CCDC80: variants seen among roughly 807,000 people sequenced by gnomAD.
CCDC80 encodes coiled-coil domain containing 80.
Under a neutral mutation model 78.7 loss-of-function variants are expected in CCDC80, and 49 were observed. The ratio of observed to expected loss-of-function variants is 0.62; its 90% CI spans 0.50 to 0.79. CCDC80 has a LOEUF of 0.79. CCDC80 is among the 30% of genes least tolerant of loss of function. The probability of loss-of-function intolerance (pLI) is 0.00; values close to 1 mark genes in which losing one functional copy is unlikely to be tolerated. For missense variants in CCDC80, 1,205 were observed against 1,198.6 expected, an observed-to-expected ratio of 1.01 and a Z score of -0.08; for synonymous variants, 488 against 447.0, an observed-to-expected ratio of 1.09 and a Z score of -1.16.
chr3:112,621,872 G>T (rs1935874873), intron 3 of CCDC80, among the ~76,000 whole-genome samples: 1 of 152,156 alleles, frequency 6.6e-6, no homozygotes, highest in Non-Finnish European at 1.5e-5. Flanking sequence ...GGACAGTTTG[G>T]AAGGTCCAAC....
intron 3 of CCDC80, 141 bp from the exon 4 acceptor site, chr3:112,619,245 G>C: frequency 1.5e-6 from 1 of 663,888 alleles, no homozygotes; most frequent in Non-Finnish European, 2.3e-6. Context: ...TTGAACAAAA[G>C]TTTTCGGAGT....
rs1338140764 is a variant in CCDC80, at chr3:112,630,162, G to A, written c.1986C>T (p.Ile662=). The A allele has an allele frequency of 6.2e-7, 1 of 1,613,976 alleles. No homozygotes were observed. ...MATRKISVIT[I]FGPVNNSTMK... The stretch of plus-strand genomic sequence containing the variant: ...TGGTGCTGTTGTTGACAGGGCCGAA[G>A]ATGGTGATCACAGAGATTTTCCTGG... The change falls in exon 3 of 8, where the codon ATC becomes ATT. Residue 662 remains isoleucine, a synonymous_variant. Transcript: ENST00000206423.
At chr3:112,611,988 C>A (rs184350772) in intron 5 of CCDC80, among the ~76,000 whole-genome samples, 1 of 151,376 alleles carries the variant, frequency 6.6e-6, no homozygotes, top group East Asian at 1.9e-4. Context: ...TGGATGCCTG[C>A]CGCAAGGCTC....
chr3:112,637,984 C>A, intron 2 of CCDC80, 44 bp downstream of exon 2: 2 of 1,551,192 alleles, frequency 1.3e-6, no homozygotes, highest in Non-Finnish European at 1.7e-6. Context: ...GTTAACATGC[C>A]CTGCCTCAGC....
Position 112,612,855 on chromosome 3 carries a change from C to T in CCDC80, c.2322-2774G>A, listed in dbSNP as rs115205025. The stretch of plus-strand genomic sequence containing the variant: ...TCCCATTTGGATACTGGTTTAATTA[C>T]AGGACTGTAATTTTTTTTTTTTTTT... On this transcript the variant is annotated intron_variant, in intron 5 of 7. Coordinates refer to ENST00000206423, the MANE Select transcript of CCDC80 (RefSeq NM_199511.3). Among the ~76,000 whole-genome samples the T allele has an allele frequency of 2.9e-3, 429 of 148,332 alleles. 4 individuals carry two copies. Among genetic ancestry groups the T allele is most frequent in the African/African-American group, 0.01 (410 of 40,238 alleles).
chr3:112,622,925 C>A (rs1036688772), intron 3 of CCDC80, among the ~76,000 whole-genome samples: 1 of 151,408 alleles, frequency 6.6e-6, no homozygotes, highest in Non-Finnish European at 1.5e-5. Context: ...ATTCACCCAC[C>A]TTAGCCTTCC....
chr3:112,608,423 T>G (rs1458086063), intron 6 of CCDC80, among the ~76,000 whole-genome samples: 1 of 152,188 alleles, frequency 6.6e-6, no homozygotes, highest in African/African-American at 2.4e-5. Context: ...GTTAGTCATG[T>G]TTTCAAAAGG....
chr3:112,623,641 A>G (rs1193890966), intron 3 of CCDC80, among the ~76,000 whole-genome samples: 1 of 152,184 alleles, frequency 6.6e-6, no homozygotes, highest in Admixed American at 6.5e-5. Context: ...TAGTTGTTAT[A>G]CACTCTAAAA....
At chr3:112,611,033 C>A (rs1180103085) in intron 5 of CCDC80, among the ~76,000 whole-genome samples, 3 of 150,738 alleles carry the variant, frequency 2.0e-5, no homozygotes, top group Non-Finnish European at 4.4e-5. Flanking sequence ...CCTGCCTCAT[C>A]CTCCCGAGTA....
chr3:112,597,738 A>G lies in CCDC80; in HGVS notation c.*7679T>C, dbSNP rs141206270. ...CATGTGGTGCGTGAAAGGAAGAGCA[A>G]TGTTATAATTGCATCCTCCTAAAGA... On this transcript the variant is annotated 3_prime_UTR_variant, in exon 8 of 8. Coordinates refer to ENST00000206423, the MANE Select transcript of CCDC80 (RefSeq NM_199511.3). 2.6e-3 allele frequency: 398 copies of G among 152,260 alleles called. 3 individuals carry two copies. The highest frequency in any genetic ancestry group is 9.1e-3 in the African/African-American group (380 of 41,566). The allele number at this position is 152,260 out of a possible 1,614,324, so 9.4% of individuals were successfully genotyped here. A position where few individuals can be genotyped will look rare whatever the true frequency, so the allele number is the denominator to read the frequency against.
intron 2 of CCDC80, among the ~76,000 whole-genome samples, chr3:112,637,567 T>C (rs528215656): frequency 6.6e-5 from 10 of 152,260 alleles, no homozygotes; most frequent in African/African-American, 2.4e-4. Context: ...ATGATTCTAG[T>C]TCCTAAGTCA....
chr3:112,609,941 G>T, intron 6 of CCDC80, 37 bp downstream of exon 6: 1 of 1,392,136 alleles, frequency 7.2e-7, no homozygotes, highest in Non-Finnish European at 1.0e-6. Context: ...GAGGAGAGTG[G>T]TATGGGAAAG....
chr3:112,612,964 T>A (rs1249809606), intron 5 of CCDC80, among the ~76,000 whole-genome samples: 1 of 151,934 alleles, frequency 6.6e-6, no homozygotes, highest in East Asian at 1.9e-4. Flanking sequence ...GGCAAAGTTC[T>A]CTATAGGACC....
At chr3:112,625,529 AT>A (rs567597283) in intron 3 of CCDC80, among the ~76,000 whole-genome samples, 1 of 152,214 alleles carries the variant, frequency 6.6e-6, no homozygotes, top group Non-Finnish European at 1.5e-5. Flanking sequence ...CATGGACAAA[AT>A]GTTTAAACTA....
chr3:112,615,219 C>T (rs1231151822), intron 5 of CCDC80, among the ~76,000 whole-genome samples: 1 of 152,172 alleles, frequency 6.6e-6, no homozygotes, highest in East Asian at 1.9e-4. Flanking sequence ...CCAAGCCTCA[C>T]AAATCTGTAG....
chr3:112,610,036 A>T lies in CCDC80; in HGVS notation c.2367T>A (p.Asp789Glu), dbSNP rs540598306. Residue 789 changes from aspartate (D) to glutamate (E), a missense_variant, in exon 6 of 8, where the codon GAT (aspartate) becomes GAA (glutamate). Physicochemically the swap from Asp to Glu is conservative, Grantham distance 45. Transcript: ENST00000206423. ...GCTGCTGTGAATAGGCCCAGTCTTC[A>T]TCGTTAGGAGCAGAGATCACCAGCA... ...RRLLVISAPNDEDWAYSQQLS... is the reference protein window; with the variant it reads ...RRLLVISAPNEEDWAYSQQLS... The T allele has an allele frequency of 1.2e-6, 2 of 1,614,110 alleles. No individual in the cohort carries two copies. The highest frequency in any genetic ancestry group is 2.7e-5 in the African/African-American group (2 of 75,018).
Position 112,602,486 on chromosome 3 carries a change from C to T in CCDC80, c.*2931G>A, listed in dbSNP as rs1935390342. ...AGCTAAGCCTCTTATGCCAAACAACCAAGTTGTAAATGCAAAGGAAAAGTT... is the reference window on the plus strand; with the variant it reads ...AGCTAAGCCTCTTATGCCAAACAACTAAGTTGTAAATGCAAAGGAAAAGTT... On this transcript the variant is annotated 3_prime_UTR_variant, in exon 8 of 8. Coordinates refer to ENST00000206423, the MANE Select transcript of CCDC80 (RefSeq NM_199511.3). 1 of 152,136 alleles carries T rather than the reference C, an allele frequency of 6.6e-6. No individual in the cohort carries two copies. Among genetic ancestry groups the T allele is most frequent in the African/African-American group, 2.4e-5 (1 of 41,408 alleles). 9.4% of individuals were successfully genotyped at this position (152,136 alleles called of 1,614,324 possible).
intron 6 of CCDC80, among the ~76,000 whole-genome samples, chr3:112,608,395 A>G (rs1417029849): frequency 6.6e-6 from 1 of 152,190 alleles, no homozygotes; most frequent in African/African-American, 2.4e-5. Flanking sequence ...GAAGTGAACT[A>G]TTCTGTTCTA....
Position 112,603,463 on chromosome 3 carries a change from C to T in CCDC80, c.*1954G>A, listed in dbSNP as rs1429278671. 2.0e-5 allele frequency: 3 copies of T among 150,202 alleles called. No individual in the cohort carries two copies. Among genetic ancestry groups the T allele is most frequent in the African/African-American group, 7.4e-5 (3 of 40,748 alleles). The allele number at this position is 150,202 out of a possible 1,614,324, so 9.3% of individuals were successfully genotyped here. ...CCCGGAGGCAGAGGTTGCAGTGAGC[C>T]AAGATCGCACCACTGCACTCCAGCC... On this transcript the variant is annotated 3_prime_UTR_variant, in exon 8 of 8. Coordinates refer to ENST00000206423, the MANE Select transcript of CCDC80 (RefSeq NM_199511.3).
Sources: gnomAD v4.1 joint callset for allele counts (sites outside exome capture counted in the v4.1 genomes callset) on GRCh38, gnomAD v4.1.1 for gene constraint, MANE v1.5 for transcripts, NCBI Gene and HGNC (gene_info 2026-07-23, HGNC 2026-07-21) for gene names.